The following DPYSL5 variants were observed in gnomAD, a reference collection of about 807,000 sequenced individuals.
The protein encoded by DPYSL5 is dihydropyrimidinase like 5, also known as dihydropyrimidinase-related protein 5.
DPYSL5 carries 9 observed loss-of-function variants against 58.4 expected under a neutral mutation model. The observed-to-expected ratio is 0.15, with a 90% CI of 0.09 to 0.27. The LOEUF is 0.27. DPYSL5 is among the 10% of genes least tolerant of loss of function. The probability of loss-of-function intolerance (pLI) is 1.00; values close to 1 mark genes in which losing one functional copy is unlikely to be tolerated. For synonymous variants in DPYSL5, 293 were observed against 301.9 expected, an observed-to-expected ratio of 0.97 and a Z score of 0.31; for missense variants, 499 against 770.6, an observed-to-expected ratio of 0.65 and a Z score of 4.17.
intron 11 of DPYSL5, among the ~76,000 whole-genome samples, chr2:26,943,327 G>A (rs1665374761): frequency 6.6e-6 from 1 of 152,180 alleles, no homozygotes; most frequent in Non-Finnish European, 1.5e-5. Context: ...CCGTGGGAGC[G>A]CAGGCTTGGG....
chr2:26,885,069 G>A (rs1289206579), intron 1 of DPYSL5, among the ~76,000 whole-genome samples: 2 of 152,022 alleles, frequency 1.3e-5, no homozygotes. Flanking sequence ...CGTGGTGGCA[G>A]GTACCTGTAA....
intron 1 of DPYSL5, among the ~76,000 whole-genome samples, chr2:26,871,746 C>T (rs1385340308): frequency 1.3e-5 from 2 of 151,998 alleles, no homozygotes; most frequent in Non-Finnish European, 2.9e-5. Flanking sequence ...CAGCCAGAAA[C>T]ATTACTTAAT....
chr2:26,911,776 C>T (rs1259427071), intron 2 of DPYSL5, among the ~76,000 whole-genome samples: 3 of 152,096 alleles, frequency 2.0e-5, no homozygotes, highest in African/African-American at 4.8e-5. Flanking sequence ...CCTTTGTTAC[C>T]GTCAGGCCTG....
chr2:26,938,512 A>G (rs1665238830), intron 8 of DPYSL5: 1 of 152,280 alleles, frequency 6.6e-6, no homozygotes, highest in Non-Finnish European at 1.5e-5. Flanking sequence ...GGCCCAGAGA[A>G]GGCCCAGCCT....
intron 1 of DPYSL5, among the ~76,000 whole-genome samples, chr2:26,856,774 G>A (rs1256735458): frequency 6.6e-6 from 1 of 151,258 alleles, no homozygotes; most frequent in Non-Finnish European, 1.5e-5. Flanking sequence ...CCTAAAGACT[G>A]GCACAATATT....
chr2:26,916,457 C>T (rs1664566094), intron 2 of DPYSL5, among the ~76,000 whole-genome samples: 1 of 152,170 alleles, frequency 6.6e-6, no homozygotes, highest in Non-Finnish European at 1.5e-5. Context: ...TGCTCCTAAA[C>T]TTCACACTCC....
In DPYSL5 at chr2:26,913,952, T is replaced by TAA. The variant is rs71401539; in HGVS notation, c.262-10918_262-10917dup. On this transcript the variant is annotated intron_variant, in intron 2 of 12. Coordinates refer to ENST00000288699, the MANE Select transcript of DPYSL5 (RefSeq NM_020134.4). ...TTCATGTATTTCTAGTTCCAAAATG[T>TAA]AAAAAAAAAAAAAAAAAAGTGTTAG... Among the ~76,000 whole-genome samples, 492 of 132,314 alleles carry TAA rather than the reference T, an allele frequency of 3.7e-3. 1 individual carries two copies. Among genetic ancestry groups the TAA allele is most frequent in the African/African-American group, 4.5e-3 (164 of 36,428 alleles). 86.8% of individuals were successfully genotyped at this position (132,314 alleles called of 152,430 possible).
chr2:26,885,005 G>A (rs1663678383), intron 1 of DPYSL5, among the ~76,000 whole-genome samples: 1 of 152,076 alleles, frequency 6.6e-6, no homozygotes, highest in Admixed American at 6.5e-5. Context: ...TAAGAGACCA[G>A]CCTGACCCAC....
intron 3 of DPYSL5, among the ~76,000 whole-genome samples, chr2:26,926,932 T>A (rs185529206): frequency 6.6e-6 from 1 of 152,368 alleles, no homozygotes; most frequent in East Asian, 1.9e-4. Context: ...TCATTATTCC[T>A]ATGTTTACCA....
chr2:26,862,162 C>T (rs1666032477), intron 1 of DPYSL5, among the ~76,000 whole-genome samples: 1 of 152,202 alleles, frequency 6.6e-6, no homozygotes, highest in Admixed American at 6.5e-5. Flanking sequence ...ACCCAGGGCT[C>T]CTGACCCACA....
intron 5 of DPYSL5, 143 bp from the exon 6 acceptor site, chr2:26,931,497 G>A: frequency 2.5e-6 from 2 of 809,744 alleles, no homozygotes; most frequent in South Asian, 3.5e-5. Flanking sequence ...AGCCAAGGTA[G>A]TTGGAGGTTA....
At chr2:26,922,847 C>T (rs1664736398) in intron 2 of DPYSL5, among the ~76,000 whole-genome samples, 1 of 152,224 alleles carries the variant, frequency 6.6e-6, no homozygotes, top group African/African-American at 2.4e-5. Context: ...CTCCCGGTTC[C>T]TCTGCCGCCC....
At position 26,949,753 on chromosome 2, in the gene DPYSL5, G is replaced by C. The variant is rs1665587967; in HGVS notation, c.*2758G>C. 6.6e-6 allele frequency: 1 copy of C among 152,498 alleles called. No homozygotes were observed. The allele number at this position is 152,498 out of a possible 1,614,324, so 9.4% of individuals were successfully genotyped here. On this transcript the variant is annotated 3_prime_UTR_variant, in exon 13 of 13. Coordinates refer to ENST00000288699, the MANE Select transcript of DPYSL5 (RefSeq NM_020134.4). ...ACCCTTGCCCGGGAGCTTCTAGATA[G>C]AAATCAGAAAGAGATTCAAGGAGCC...
chr2:26,865,406 C>T (rs987645118), intron 1 of DPYSL5, among the ~76,000 whole-genome samples: 5 of 151,294 alleles, frequency 3.3e-5, no homozygotes, highest in African/African-American at 4.9e-5. Context: ...CTGCAACCTC[C>T]GCCTCCCAGG....
intron 1 of DPYSL5, among the ~76,000 whole-genome samples, chr2:26,850,558 G>T (rs966942357): frequency 7.3e-5 from 11 of 150,144 alleles, no homozygotes; most frequent in African/African-American, 2.5e-4. Flanking sequence ...AAAAAGGCAG[G>T]AATGTTTTTG....
chr2:26,930,287 C>T (rs535314855), intron 5 of DPYSL5, among the ~76,000 whole-genome samples: 1 of 152,242 alleles, frequency 6.6e-6, no homozygotes, highest in South Asian at 2.1e-4. Flanking sequence ...AGGGAAAGAG[C>T]AAGGCTTTGG....
chr2:26,854,620 A>G (rs1314395560), intron 1 of DPYSL5, among the ~76,000 whole-genome samples: 1 of 152,162 alleles, frequency 6.6e-6, no homozygotes, highest in Admixed American at 6.5e-5. Flanking sequence ...AAAATGCTGC[A>G]CCTTACCTTG....
chr2:26,910,616 C>CTTTTTTTTT (rs34929540), intron 2 of DPYSL5, among the ~76,000 whole-genome samples: 11 of 118,512 alleles, frequency 9.3e-5, no homozygotes, highest in East Asian at 2.5e-4. Context: ...TCTTCTTCTT[C>CTTTTTTTTT]TTTTTTTTTT....
intron 2 of DPYSL5, among the ~76,000 whole-genome samples, chr2:26,913,699 G>A (rs1475443930): frequency 1.3e-5 from 2 of 152,142 alleles, no homozygotes; most frequent in Admixed American, 6.5e-5. Context: ...TCCTGAAAGT[G>A]TGTTAAACCC....
Sources: gnomAD v4.1 joint callset for allele counts (sites outside exome capture counted in the v4.1 genomes callset) on GRCh38, gnomAD v4.1.1 for gene constraint, MANE v1.5 for transcripts, NCBI Gene and HGNC (gene_info 2026-07-23, HGNC 2026-07-21) for gene names.